ZMIZ1: variants seen among roughly 807,000 people sequenced by gnomAD.
ZMIZ1 encodes the protein zinc finger MIZ domain-containing protein 1.
Under a neutral mutation model 113.9 loss-of-function variants are expected in ZMIZ1, and 17 were observed. That is an observed-to-expected ratio of 0.15 (90% confidence interval 0.10 to 0.22). ZMIZ1 has a LOEUF of 0.22. Among genes scored for constraint, ZMIZ1 ranks in the 10% least tolerant of loss-of-function variants. The pLI is 1.00. For missense variants in ZMIZ1, 1,059 were observed against 1,477.8 expected, an observed-to-expected ratio of 0.72 and a Z score of 4.65; for synonymous variants, 607 against 603.1, an observed-to-expected ratio of 1.01 and a Z score of -0.09.
intron 7 of ZMIZ1, among the ~76,000 whole-genome samples, chr10:79,246,831 A>G (rs923358253): frequency 1.3e-5 from 2 of 152,172 alleles, no homozygotes; most frequent in Non-Finnish European, 2.9e-5. Context: ...CACCACAGGC[A>G]GGGAAGGAAG....
At chr10:79,115,271 T>G (rs1425786078) in intron 1 of ZMIZ1, among the ~76,000 whole-genome samples, 1 of 152,206 alleles carries the variant, frequency 6.6e-6, no homozygotes, top group Admixed American at 6.5e-5. Context: ...CCAGCTGCCC[T>G]TGTGGGCTTG....
chr10:79,134,317 C>G lies in ZMIZ1; in HGVS notation c.-226-5365C>G, dbSNP rs148919428. ...TGAGGCCCAGAGAGGCCTAGCACTT[C>G]CCAGCAAAACAGTGACCAGGGACAG... On this transcript the variant is annotated intron_variant, in intron 2 of 24. Coordinates refer to ENST00000334512, the MANE Select transcript of ZMIZ1 (RefSeq NM_020338.4). 2.0e-5 allele frequency among the ~76,000 whole-genome samples: 3 copies of G among 152,296 alleles called. No individual in the cohort carries two copies. In the East Asian group the frequency reaches 5.8e-4, roughly 29 times the overall value.
In ZMIZ1 at chr10:79,069,975, C is replaced by T. The variant is rs1234531280; in HGVS notation, c.-337+705C>T. Among the ~76,000 whole-genome samples the T allele has an allele frequency of 6.6e-6, 1 of 151,758 alleles. No individual in the cohort carries two copies. The highest frequency in any genetic ancestry group is 1.5e-5 in the Non-Finnish European group (1 of 67,924). ...CAGTGCCTGGACGGGGCTGCCCCGGCCAGGAGGGGAGCCCAGGGGGAAGAT... is the reference window on the plus strand; with the variant it reads ...CAGTGCCTGGACGGGGCTGCCCCGGTCAGGAGGGGAGCCCAGGGGGAAGAT... On this transcript the variant is annotated intron_variant, in intron 1 of 24. Transcript: ENST00000334512. This position sits in a 1 kb window ranked among gnomAD's most constrained non-coding sequence, Gnocchi z 4.6.
At chr10:79,290,766 G>T (rs1034735728) in intron 9 of ZMIZ1, 193 bp from the exon 10 acceptor site, 1 of 726,236 alleles carries the variant, frequency 1.4e-6, no homozygotes, top group African/African-American at 1.7e-5. Context: ...CATCCCCCAC[G>T]CCACCTGCCG....
intron 1 of ZMIZ1, among the ~76,000 whole-genome samples, chr10:79,110,915 G>GT (rs1363243123): frequency 6.6e-6 from 1 of 152,224 alleles, no homozygotes; most frequent in Non-Finnish European, 1.5e-5. Flanking sequence ...TCATTAACAG[G>GT]TATCCCAGTG....
intron 8 of ZMIZ1, among the ~76,000 whole-genome samples, chr10:79,277,993 C>T (rs1289640667): frequency 6.6e-6 from 1 of 152,240 alleles, no homozygotes; most frequent in Non-Finnish European, 1.5e-5. Context: ...TGTGTCTCCG[C>T]TAATGATCAG....
At chr10:79,241,806 TGAG>T (rs1490388771) in intron 7 of ZMIZ1, among the ~76,000 whole-genome samples, 4 of 152,132 alleles carry the variant, frequency 2.6e-5, no homozygotes, top group Non-Finnish European at 5.9e-5. Flanking sequence ...AGGCTGAGGC[TGAG>T]AAGAGGGGAT....
chr10:79,149,187 C>G (rs1444149490), intron 3 of ZMIZ1, among the ~76,000 whole-genome samples: 1 of 152,214 alleles, frequency 6.6e-6, no homozygotes, highest in Non-Finnish European at 1.5e-5. Flanking sequence ...TAATCTCGAG[C>G]AAGGCTGGGC....
intron 1 of ZMIZ1, among the ~76,000 whole-genome samples, chr10:79,097,796 T>C (rs1843221640): frequency 6.6e-6 from 1 of 152,068 alleles, no homozygotes; most frequent in Non-Finnish European, 1.5e-5. Flanking sequence ...GTGGTCTTCA[T>C]GGCACCTCTC....
intron 3 of ZMIZ1, among the ~76,000 whole-genome samples, chr10:79,151,609 G>C (rs1845711920): frequency 6.6e-6 from 1 of 152,218 alleles, no homozygotes; most frequent in South Asian, 2.1e-4. Context: ...GTAGCTGGGT[G>C]CCTGTCCGCA....
intron 7 of ZMIZ1, among the ~76,000 whole-genome samples, chr10:79,241,407 T>C (rs1053853981): frequency 1.6e-4 from 24 of 152,014 alleles, no homozygotes; most frequent in African/African-American, 5.6e-4. Context: ...AAAGAAGCCA[T>C]AATAACCTAC....
intron 1 of ZMIZ1, among the ~76,000 whole-genome samples, chr10:79,103,784 G>A (rs1305166606): frequency 6.6e-6 from 1 of 152,154 alleles, no homozygotes; most frequent in Non-Finnish European, 1.5e-5. Flanking sequence ...GGCCTGGCCT[G>A]GGGTTTTGTC....
intron 7 of ZMIZ1, among the ~76,000 whole-genome samples, chr10:79,252,513 G>A (rs1050402052): frequency 1.3e-5 from 2 of 152,064 alleles, no homozygotes; most frequent in African/African-American, 2.4e-5. Context: ...TGACCTGGCC[G>A]AGACTCACTT....
At chr10:79,228,613 C>T (rs1944532176) in intron 7 of ZMIZ1, among the ~76,000 whole-genome samples, 1 of 152,268 alleles carries the variant, frequency 6.6e-6, no homozygotes, top group Admixed American at 6.5e-5. Flanking sequence ...CTGCCCAGGT[C>T]AGCATGCATG....
intron 11 of ZMIZ1, among the ~76,000 whole-genome samples, chr10:79,292,626 C>G (rs1018099910): frequency 6.6e-6 from 1 of 152,056 alleles, no homozygotes; most frequent in African/African-American, 2.4e-5. Context: ...TCATGTACAA[C>G]TGCATATGGG....
chr10:79,248,071 G>A (rs1359711834), intron 7 of ZMIZ1, among the ~76,000 whole-genome samples: 1 of 152,224 alleles, frequency 6.6e-6, no homozygotes, highest in African/African-American at 2.4e-5. Flanking sequence ...CTTGGGCCAT[G>A]TCTTTGGGTG....
intron 2 of ZMIZ1, among the ~76,000 whole-genome samples, chr10:79,134,146 C>T (rs1378773897): frequency 6.6e-6 from 1 of 152,090 alleles, no homozygotes; most frequent in Non-Finnish European, 1.5e-5. Context: ...CTGGGGGGTT[C>T]GAGGGCCTGT....
chr10:79,199,399 G>A (rs372447082), intron 4 of ZMIZ1, among the ~76,000 whole-genome samples: 2 of 152,102 alleles, frequency 1.3e-5, no homozygotes, highest in East Asian at 1.9e-4. Flanking sequence ...CCAGCTACTT[G>A]GGATGCTGAG....
Position 79,266,981 on chromosome 10 carries a change from G to A in ZMIZ1, c.281-10200G>A, listed in dbSNP as rs182953448. 7.5e-3 allele frequency among the ~76,000 whole-genome samples: 1,136 copies of A among 152,376 alleles called. 5 individuals carry two copies. The highest frequency in any genetic ancestry group is 0.012 in the Non-Finnish European group (792 of 68,036). ...CTCCTTCTGGACACAGTGGAATGGG[G>A]CTGAGGAGGGGCTTGGGCTCTGCCC... On this transcript the variant is annotated intron_variant, in intron 7 of 24. Coordinates refer to ENST00000334512, the MANE Select transcript of ZMIZ1 (RefSeq NM_020338.4).
Sources: gnomAD v4.1 joint callset for allele counts (sites outside exome capture counted in the v4.1 genomes callset) on GRCh38, gnomAD v4.1.1 for gene constraint, Gnocchi (gnomAD v3.1) non-coding constraint, MANE v1.5 for transcripts, NCBI Gene and HGNC (gene_info 2026-07-23, HGNC 2026-07-21) for gene names.